The following SGCZ variants were observed in gnomAD, a reference collection of about 807,000 sequenced individuals.
The protein encoded by SGCZ is sarcoglycan zeta, also known as zeta-sarcoglycan.
Under a neutral mutation model 41.3 loss-of-function variants are expected in SGCZ, and 40 were observed. The ratio of observed to expected loss-of-function variants is 0.97; its 90% CI spans 0.75 to 1.26. The LOEUF is 1.26. Ranked by LOEUF, SGCZ falls within the 50% of genes most tolerant of loss-of-function variation. The pLI, the probability that SGCZ is intolerant of heterozygous loss-of-function variation, is 0.00. For synonymous variants in SGCZ, 206 were observed against 137.5 expected, an observed-to-expected ratio of 1.50 and a Z score of -3.49; for missense variants, 552 against 369.8, an observed-to-expected ratio of 1.49 and a Z score of -4.04.
intron 4 of SGCZ, among the ~76,000 whole-genome samples, chr8:14,198,400 A>G (rs1235938923): frequency 6.6e-6 from 1 of 152,188 alleles, no homozygotes; most frequent in Admixed American, 6.6e-5. Context: ...TAAAGTGCTT[A>G]TTTTAAGTCA....
intron 1 of SGCZ, among the ~76,000 whole-genome samples, chr8:15,030,023 G>C (rs1288441113): frequency 6.6e-6 from 1 of 152,082 alleles, no homozygotes; most frequent in Non-Finnish European, 1.5e-5. Flanking sequence ...CTGTGCAAGG[G>C]ACAAAAAAGA....
At chr8:15,060,833 C>G (rs1031903944) in intron 1 of SGCZ, among the ~76,000 whole-genome samples, 1 of 152,016 alleles carries the variant, frequency 6.6e-6, no homozygotes, top group Non-Finnish European at 1.5e-5. Context: ...TACCTAATTT[C>G]AAACTGAAAA....
chr8:14,377,013 T>A (rs1804156674), intron 2 of SGCZ, among the ~76,000 whole-genome samples: 1 of 152,282 alleles, frequency 6.6e-6, no homozygotes, highest in Non-Finnish European at 1.5e-5. Context: ...CCTTTTGTTA[T>A]ACACAATAAA....
intron 1 of SGCZ, among the ~76,000 whole-genome samples, chr8:14,824,206 C>T (rs1408536862): frequency 6.6e-6 from 1 of 151,912 alleles, no homozygotes; most frequent in East Asian, 1.9e-4. Flanking sequence ...CTATATTTAA[C>T]AGTAAAAATT....
intron 1 of SGCZ, among the ~76,000 whole-genome samples, chr8:14,714,637 G>A (rs1030680830): frequency 3.3e-5 from 5 of 151,872 alleles, no homozygotes; most frequent in African/African-American, 1.2e-4. Context: ...GTCTGCAGAT[G>A]ATTAAAGAAA....
intron 1 of SGCZ, among the ~76,000 whole-genome samples, chr8:15,221,117 C>A (rs1801586001): frequency 6.6e-6 from 1 of 151,998 alleles, no homozygotes; most frequent in Non-Finnish European, 1.5e-5. Flanking sequence ...ACCTATGTAA[C>A]AAAACTGCAT....
At chr8:14,728,858 G>A (rs1270297752) in intron 1 of SGCZ, among the ~76,000 whole-genome samples, 57 of 152,318 alleles carry the variant, frequency 3.7e-4, no homozygotes, top group Non-Finnish European at 1.3e-4. Flanking sequence ...TAAAGCAACA[G>A]AGCATGCTTC....
intron 1 of SGCZ, among the ~76,000 whole-genome samples, chr8:15,216,919 C>T (rs17610254): frequency 0.2 from 30,620 of 151,926 alleles, 3,549 homozygotes; most frequent in East Asian, 0.42. Context: ...TGCTTCTGCA[C>T]ATGGGATTAG....
chr8:14,090,402 G>A lies in SGCZ; in HGVS notation c.*41C>T. 6.9e-6 allele frequency: 11 copies of A among 1,585,318 alleles called. No homozygotes were observed. Among genetic ancestry groups the A allele is most frequent in the Non-Finnish European group, 9.4e-6 (11 of 1,164,766 alleles). On this transcript the variant is annotated 3_prime_UTR_variant, in exon 8 of 8. Transcript: ENST00000382080. ...AGCAGAACTGTGAAGCAGACGGACA[G>A]GAACAAAAGGCTATTCTGGTGTGAG...
At chr8:15,097,015 C>G (rs1410785477) in intron 1 of SGCZ, among the ~76,000 whole-genome samples, 3 of 152,018 alleles carry the variant, frequency 2.0e-5, no homozygotes, top group African/African-American at 7.2e-5. Context: ...GGAGGTCTCA[C>G]TGTGTTGCCC....
At chr8:14,518,375 A>T (rs2117093763) in intron 2 of SGCZ, among the ~76,000 whole-genome samples, 1 of 152,240 alleles carries the variant, frequency 6.6e-6, no homozygotes, top group East Asian at 1.9e-4. Context: ...CTACACGTAT[A>T]AAATAAATAT....
intron 1 of SGCZ, among the ~76,000 whole-genome samples, chr8:14,617,023 G>A (rs1806127666): frequency 6.6e-6 from 1 of 151,824 alleles, no homozygotes; most frequent in African/African-American, 2.4e-5. Context: ...AAGAAAAAAG[G>A]GGTAATTCAG....
chr8:15,077,307 A>T (rs1805570479), intron 1 of SGCZ, among the ~76,000 whole-genome samples: 1 of 152,222 alleles, frequency 6.6e-6, no homozygotes, highest in South Asian at 2.1e-4. Context: ...ACATTAAATA[A>T]ACCCATGCAG....
chr8:15,060,280 A>C (rs1007717125), intron 1 of SGCZ, among the ~76,000 whole-genome samples: 1 of 152,062 alleles, frequency 6.6e-6, no homozygotes, highest in African/African-American at 2.4e-5. Context: ...ACATGTCCAA[A>C]AATGATAGAC....
At chr8:15,229,044 C>A (rs113459080) in intron 1 of SGCZ, among the ~76,000 whole-genome samples, 1 of 151,938 alleles carries the variant, frequency 6.6e-6, no homozygotes, top group African/African-American at 2.4e-5. Flanking sequence ...ATACAAAAAT[C>A]AGCCAGGCGT....
intron 1 of SGCZ, among the ~76,000 whole-genome samples, chr8:15,066,081 G>C (rs1011699639): frequency 7.2e-5 from 11 of 151,956 alleles, no homozygotes; most frequent in African/African-American, 2.7e-4. Context: ...GGCCGAGGCG[G>C]GTGGATCATG....
At chr8:15,176,045 G>A (rs1463437618) in intron 1 of SGCZ, among the ~76,000 whole-genome samples, 1 of 152,150 alleles carries the variant, frequency 6.6e-6, no homozygotes, top group African/African-American at 2.4e-5. Context: ...AGCAATTTAA[G>A]TGAAAAAATG....
intron 1 of SGCZ, among the ~76,000 whole-genome samples, chr8:14,558,364 C>T (rs1490179929): frequency 6.6e-6 from 1 of 152,042 alleles, no homozygotes. Flanking sequence ...CACTTGAGGT[C>T]AGGAGTTTAA....
chr8:14,798,835 T>G (rs1801221213), intron 1 of SGCZ, among the ~76,000 whole-genome samples: 2 of 152,030 alleles, frequency 1.3e-5, no homozygotes, highest in South Asian at 4.1e-4. Context: ...AAATAAGCAC[T>G]GTTATTAAAG....
Sources: allele counts gnomAD v4.1 joint callset (sites outside exome capture counted in the v4.1 genomes callset), GRCh38; gene constraint gnomAD v4.1.1; transcripts MANE v1.5; gene names NCBI Gene and HGNC (gene_info 2026-07-23, HGNC 2026-07-21).